Variants in ASCC3 observed in about 807,000 individuals in gnomAD.
ASCC3 encodes the protein activating signal cointegrator 1 complex subunit 3.
In ASCC3, 158 loss-of-function variants were observed where a neutral mutation model predicts 256.3. That is an observed-to-expected ratio of 0.62 (90% confidence interval 0.54 to 0.70). The LOEUF is 0.70. Among genes scored for constraint, ASCC3 ranks in the 30% least tolerant of loss-of-function variants. The probability of loss-of-function intolerance (pLI) is 0.00; values close to 1 mark genes in which losing one functional copy is unlikely to be tolerated. For synonymous variants in ASCC3, 948 were observed against 883.4 expected, an observed-to-expected ratio of 1.07 and a Z score of -1.30; for missense variants, 2,259 against 2,626.0, an observed-to-expected ratio of 0.86 and a Z score of 3.05.
chr6:100,642,182 T>A (rs1775157160), intron 24 of ASCC3, among the ~76,000 whole-genome samples: 4 of 150,734 alleles, frequency 2.7e-5, no homozygotes, highest in Non-Finnish European at 4.4e-5. Flanking sequence ...AAAACTAATA[T>A]AAAGGGTAGA....
chr6:100,605,025 G>A (rs1448264001), intron 33 of ASCC3, among the ~76,000 whole-genome samples: 1 of 152,084 alleles, frequency 6.6e-6, no homozygotes. Flanking sequence ...AAGAGGTATA[G>A]GATGATTCTC....
chr6:100,562,498 T>C (rs553987937), intron 36 of ASCC3, among the ~76,000 whole-genome samples: 2 of 152,234 alleles, frequency 1.3e-5, no homozygotes, highest in East Asian at 1.9e-4. Flanking sequence ...TAGTAAGTGA[T>C]CTATTGTTTG....
rs1261017336 is a variant in ASCC3 at position 100,665,360 on chromosome 6, G to A, written c.2287-2824C>T. On this transcript the variant is annotated intron_variant, in intron 14 of 41. Transcript: ENST00000369162. ...AGTGACAACAATCAAAGTAAGTCTG[G>A]GTTTTTTATTCTTAACTATCTTTGA... Among the ~76,000 whole-genome samples the A allele has an allele frequency of 2.0e-5, 3 of 151,992 alleles. No homozygotes were observed. The East Asian group carries it at 5.8e-4, about 29-fold the overall frequency.
chr6:100,645,473 TG>T (rs1775334799), intron 22 of ASCC3, among the ~76,000 whole-genome samples: 1 of 152,088 alleles, frequency 6.6e-6, no homozygotes, highest in Admixed American at 6.6e-5. Context: ...TAGAGCATAC[TG>T]TTAAAATTCA....
intron 10 of ASCC3, among the ~76,000 whole-genome samples, chr6:100,733,766 A>G (rs865945305): frequency 6.6e-5 from 10 of 152,174 alleles, no homozygotes; most frequent in African/African-American, 2.2e-4. Flanking sequence ...AACCTCTTGA[A>G]AGCAATTTTG....
At chr6:100,620,006 T>A (rs1249342143) in intron 30 of ASCC3, among the ~76,000 whole-genome samples, 1 of 152,132 alleles carries the variant, frequency 6.6e-6, no homozygotes, top group Non-Finnish European at 1.5e-5. Context: ...AAAAATTTTT[T>A]AATTAAATGT....
At chr6:100,638,107 CTTCA>C (rs1400128596) in intron 25 of ASCC3, among the ~76,000 whole-genome samples, 1 of 152,076 alleles carries the variant, frequency 6.6e-6, no homozygotes, top group African/African-American at 2.4e-5. Context: ...ATGTGGCAAA[CTTCA>C]TTGTCTTATT....
At position 100,848,249 on chromosome 6, in the gene ASCC3, T is replaced by G; in HGVS notation, c.700A>C (p.Thr234Pro). Reference protein sequence around the residue: ...WCEVEKYLNSTLKEMTEVPRV... With the variant: ...WCEVEKYLNSPLKEMTEVPRV... ...GGCACTTCAGTCATTTCCTTCAAAG[T>G]TGAATTTAGGTACTTTTCAACTTCA... is the stretch of plus-strand genomic sequence containing the variant. Residue 234 changes from threonine (T) to proline (P), a missense_variant, in exon 4 of 42, where the codon ACT (threonine) becomes CCT (proline). This residue lies in a region of ASCC3 where 420 missense variants were observed against 419.3 expected (regional missense o/e 1.00). Coordinates refer to ENST00000369162, the MANE Select transcript of ASCC3 (RefSeq NM_006828.4). The G allele has an allele frequency of 6.2e-7, 1 of 1,614,108 alleles. No individual in the cohort carries two copies. Among genetic ancestry groups the G allele is most frequent in the Non-Finnish European group, 8.5e-7 (1 of 1,180,004 alleles).
intron 33 of ASCC3, 144 bp downstream of exon 33, chr6:100,605,423 AT>A (rs1292893940): frequency 3.0e-6 from 2 of 668,806 alleles, no homozygotes; most frequent in African/African-American, 3.6e-5. Flanking sequence ...GAATATTGTC[AT>A]AAAGTGATAA....
rs769526869 is a variant in ASCC3 at position 100,601,943 on chromosome 6, G to A, written c.5178-8C>T. On this transcript the variant is annotated splice_region_variant and splice_polypyrimidine_tract_variant and intron_variant, in intron 33 of 41. Transcript: ENST00000369162. ...GAGAGCACTCCTAATAAACTATATA[G>A]TGAACAAGACATGGGAAGCATACAA... 6.2e-6 allele frequency: 10 copies of A among 1,611,152 alleles called. No homozygotes were observed. In the South Asian group the frequency reaches 1.1e-4, roughly 18 times the overall value.
chr6:100,738,438 T>C (rs1415452736), intron 10 of ASCC3, among the ~76,000 whole-genome samples: 2 of 152,252 alleles, frequency 1.3e-5, no homozygotes, highest in Non-Finnish European at 2.9e-5. Flanking sequence ...TGCATATGGC[T>C]AGCCAGTTCT....
At chr6:100,775,469 G>A (rs761562547) in intron 8 of ASCC3, among the ~76,000 whole-genome samples, 1 of 151,850 alleles carries the variant, frequency 6.6e-6, no homozygotes, top group Non-Finnish European at 1.5e-5. Context: ...TGGCCGAGAC[G>A]GGACCTAAAC....
chr6:100,859,659 C>T (rs1582975726), intron 3 of ASCC3, among the ~76,000 whole-genome samples: 2 of 151,928 alleles, frequency 1.3e-5, no homozygotes, highest in East Asian at 3.8e-4. Context: ...AATGGATTTA[C>T]AAATGCCTTA....
intron 23 of ASCC3, among the ~76,000 whole-genome samples, 171 bp downstream of exon 23, chr6:100,643,860 T>C (rs921231007): frequency 3.3e-5 from 5 of 152,140 alleles, no homozygotes; most frequent in African/African-American, 9.7e-5. Context: ...ACATTGAATA[T>C]ACCAATACTA....
rs77435904 is a variant in ASCC3 at position 100,811,038 on chromosome 6, G to A, written c.802-5158C>T. Among the ~76,000 whole-genome samples, 1,348 of 152,084 alleles carry A rather than the reference G, an allele frequency of 8.9e-3. 48 individuals carry two copies. In the East Asian group the frequency reaches 0.099, roughly 11 times the overall value. Reference sequence around the variant, plus strand: ...GCGGGGTGGCAAGAGGAGGATTTTTGTCCATGTTTACCCCCCGCCCATACT... The same window carrying A: ...GCGGGGTGGCAAGAGGAGGATTTTTATCCATGTTTACCCCCCGCCCATACT... On this transcript the variant is annotated intron_variant, in intron 4 of 41. Coordinates refer to ENST00000369162, the MANE Select transcript of ASCC3 (RefSeq NM_006828.4).
In ASCC3 at chr6:100,848,819, T is replaced by C. The variant is rs913813398; in HGVS notation, c.242-112A>G. ...CTGAGTAAATCTAACAGTCAAATCA[T>C]AGCAATAGACCAGGTGTAATGGCTC... On this transcript the variant is annotated intron_variant, in intron 3 of 41. Coordinates refer to ENST00000369162, the MANE Select transcript of ASCC3 (RefSeq NM_006828.4). The C allele has an allele frequency of 3.9e-5, 40 of 1,034,758 alleles. No homozygotes were observed. In the African/African-American group the frequency reaches 6.3e-4, roughly 16 times the overall value. The allele number at this position is 1,034,758 out of a possible 1,614,324, so 64.1% of individuals were successfully genotyped here. A position where few individuals can be genotyped will look rare whatever the true frequency, so the allele number is the denominator to read the frequency against.
At position 100,798,795 on chromosome 6, in the gene ASCC3, T is replaced by C. The variant is rs888119465; in HGVS notation, c.1313A>G (p.Tyr438Cys). The part of the protein sequence containing the change: ...EGIQRENNKL[Y>C]EEVRIPYSEP... ...GCTGTAGGGAATCCTTACTTCTTCA[T>C]AAAGCTTGTTATTCTCTCTTTGGAT... The change falls in exon 8 of 42, where the codon TAT (tyrosine) becomes TGT (cysteine). Residue 438 changes from tyrosine to cysteine, a missense_variant. Physicochemically the swap from Tyr to Cys is radical, Grantham distance 194. This residue lies in a region of ASCC3 where 1,839 missense variants were observed against 2,206.7 expected (regional missense o/e 0.83). Transcript: ENST00000369162. The C allele has an allele frequency of 2.5e-6, 4 of 1,612,982 alleles. No individual in the cohort carries two copies. The highest frequency in any genetic ancestry group is 1.7e-5 in the Admixed American group (1 of 59,950).
In ASCC3 at chr6:100,870,201, A is replaced by G. The variant is rs577323465; in HGVS notation, c.-41-2163T>C. 1.1e-3 allele frequency among the ~76,000 whole-genome samples: 151 copies of G among 137,880 alleles called. 1 individual carries two copies. The highest frequency in any genetic ancestry group is 3.3e-3 in the African/African-American group (123 of 36,838). 90.5% of individuals were successfully genotyped at this position (137,880 alleles called of 152,430 possible). A position where few individuals can be genotyped will look rare whatever the true frequency, so the allele number is the denominator to read the frequency against. ...ACCTGAACTTGATTTTAAAAAATGCATATTTTTAAAAATGCATTTTTAATG... is the reference window on the plus strand; with the variant it reads ...ACCTGAACTTGATTTTAAAAAATGCGTATTTTTAAAAATGCATTTTTAATG... On this transcript the variant is annotated intron_variant, in intron 1 of 41. Coordinates refer to ENST00000369162, the MANE Select transcript of ASCC3 (RefSeq NM_006828.4).
Position 100,848,128 on chromosome 6 carries a change from AT to A in ASCC3, c.801+19del, listed in dbSNP as rs1772473240. The stretch of plus-strand genomic sequence containing the variant: ...GGATAGTTCACATTAATATAAAAAA[AT>A]AAATCATTTCAACTATACCTCATCC... On this transcript the variant is annotated intron_variant, in intron 4 of 41. Transcript: ENST00000369162. The A allele has an allele frequency of 3.2e-6, 5 of 1,551,822 alleles. No homozygotes were observed. The highest frequency in any genetic ancestry group is 2.8e-5 in the African/African-American group (2 of 72,176).
Sources: gnomAD v4.1 joint callset for allele counts (sites outside exome capture counted in the v4.1 genomes callset) on GRCh38, gnomAD v4.1.1 for gene constraint, gnomAD v4.1.1 regional missense constraint, MANE v1.5 for transcripts, NCBI Gene and HGNC (gene_info 2026-07-23, HGNC 2026-07-21) for gene names.